RABGAP1L: variants seen among roughly 807,000 people sequenced by gnomAD.
The protein encoded by RABGAP1L is RAB GTPase activating protein 1 like, also known as rab GTPase-activating protein 1-like.
A neutral mutation model predicts 137.7 loss-of-function variants in RABGAP1L; 63 were observed. That is an observed-to-expected ratio of 0.46 (90% CI 0.37 to 0.56). The LOEUF is 0.56. RABGAP1L is among the 20% of genes least tolerant of loss of function. The pLI is 0.00. For synonymous variants in RABGAP1L, 431 were observed against 433.7 expected (o/e 0.99, Z 0.08); for missense variants, 1,095 against 1,244.0 (o/e 0.88, Z 1.80).
intron 13 of RABGAP1L, among the ~76,000 whole-genome samples, chr1:174,600,179 C>T (rs750784936): frequency 6.6e-6 from 1 of 152,170 alleles, no homozygotes; most frequent in Admixed American, 6.5e-5. Flanking sequence ...ATTCACTATA[C>T]AAGAATAGCA....
chr1:174,654,800 G>A (rs1399764149), intron 14 of RABGAP1L, among the ~76,000 whole-genome samples: 1 of 152,214 alleles, frequency 6.6e-6, no homozygotes, highest in East Asian at 1.9e-4. Flanking sequence ...AAATTGCTTT[G>A]TGAGTGTATA....
chr1:174,578,641 A>T (rs1210648110), intron 13 of RABGAP1L, among the ~76,000 whole-genome samples: 5 of 152,204 alleles, frequency 3.3e-5, no homozygotes, highest in Non-Finnish European at 7.4e-5. Context: ...ATTTTAACAA[A>T]ATATAAATAA....
intron 14 of RABGAP1L, among the ~76,000 whole-genome samples, chr1:174,674,431 G>A (rs1677434168): frequency 6.7e-6 from 1 of 149,460 alleles, no homozygotes; most frequent in African/African-American, 2.5e-5. Context: ...CATTTTTTAT[G>A]GCTGCATAGT....
chr1:174,278,529 ATTCT>A (rs1675209804), intron 9 of RABGAP1L, 80 bp from the exon 10 acceptor site: 3 of 1,078,408 alleles, frequency 2.8e-6, no homozygotes, highest in Non-Finnish European at 4.1e-6. Context: ...AAGAACTTTA[ATTCT>A]TTCATAAGTG....
At chr1:174,541,177 AG>A (rs1306363514) in intron 13 of RABGAP1L, among the ~76,000 whole-genome samples, 3 of 152,200 alleles carry the variant, frequency 2.0e-5, no homozygotes, top group African/African-American at 7.2e-5. Context: ...TTATCAGCTT[AG>A]GGAGATTTTG....
At chr1:174,411,180 GT>G (rs1649885334) in intron 13 of RABGAP1L, among the ~76,000 whole-genome samples, 1 of 152,118 alleles carries the variant, frequency 6.6e-6, no homozygotes, top group South Asian at 2.1e-4. Flanking sequence ...CACATCATCA[GT>G]GAAGAGAGAT....
At chr1:174,844,920 C>T (rs1267352866) in intron 19 of RABGAP1L, among the ~76,000 whole-genome samples, 1 of 119,362 alleles carries the variant, frequency 8.4e-6, no homozygotes, top group African/African-American at 3.0e-5. Context: ...GTTTGTAGTT[C>T]TCCTTGAAGA....
chr1:174,827,511 A>T (rs1259129868), intron 19 of RABGAP1L, among the ~76,000 whole-genome samples: 1 of 148,800 alleles, frequency 6.7e-6, no homozygotes, highest in Non-Finnish European at 1.5e-5. Context: ...CTGAGTGCGC[A>T]TTTCTTCTCA....
At chr1:174,816,596 T>C (rs1690438389) in intron 19 of RABGAP1L, among the ~76,000 whole-genome samples, 1 of 152,218 alleles carries the variant, frequency 6.6e-6, no homozygotes, top group African/African-American at 2.4e-5. Flanking sequence ...TCAGAAACTG[T>C]CAGGTATTTG....
At chr1:174,848,560 C>A (rs990214065) in intron 19 of RABGAP1L, among the ~76,000 whole-genome samples, 4 of 148,334 alleles carry the variant, frequency 2.7e-5, no homozygotes, top group Non-Finnish European at 4.5e-5. Context: ...GGTCAGGGAC[C>A]CACTTGAGGA....
intron 23 of RABGAP1L, 76 bp downstream of exon 23, chr1:174,978,966 GC>G: frequency 7.1e-7 from 1 of 1,403,838 alleles, no homozygotes; most frequent in Non-Finnish European, 9.3e-7. Context: ...TTTGCTTGAG[GC>G]CAGGAGTTTG....
At chr1:174,639,255 A>G (rs1453433301) in intron 14 of RABGAP1L, among the ~76,000 whole-genome samples, 1 of 152,124 alleles carries the variant, frequency 6.6e-6, no homozygotes, top group East Asian at 1.9e-4. Flanking sequence ...CTATTTTTAT[A>G]TGAATGTGTC....
At position 174,541,522 on chromosome 1, in the gene RABGAP1L, A is replaced by G. The variant is rs553398704; in HGVS notation, c.1711-95853A>G. 2.0e-5 allele frequency among the ~76,000 whole-genome samples: 3 copies of G among 152,298 alleles called. No individual in the cohort carries two copies. In the East Asian group the frequency reaches 5.8e-4, roughly 29 times the overall value. On this transcript the variant is annotated intron_variant, in intron 13 of 25. Coordinates refer to ENST00000681986, the MANE Select transcript of RABGAP1L (RefSeq NM_001366446.1). ...CGGGTGCGGTGGCTCACCACCTGTA[A>G]TCCCAGCACTTTTGGAGGCCAAGGC...
chr1:174,803,776 T>C (rs1688979432), intron 18 of RABGAP1L, among the ~76,000 whole-genome samples: 1 of 151,136 alleles, frequency 6.6e-6, no homozygotes, highest in Non-Finnish European at 1.5e-5. Flanking sequence ...CCTACCTCTT[T>C]CAAAAAAAAA....
intron 13 of RABGAP1L, among the ~76,000 whole-genome samples, chr1:174,423,634 A>T (rs1005470293): frequency 6.6e-6 from 1 of 152,136 alleles, no homozygotes; most frequent in African/African-American, 2.4e-5. Context: ...CATTATAAAT[A>T]TTTATATTTA....
chr1:174,973,003 G>T (rs548215679), intron 21 of RABGAP1L, among the ~76,000 whole-genome samples: 1 of 152,204 alleles, frequency 6.6e-6, no homozygotes, highest in South Asian at 2.1e-4. Flanking sequence ...TCCTACTTAA[G>T]TGAGGTATAG....
Position 174,561,454 on chromosome 1 carries a change from A to G in RABGAP1L, c.1711-75921A>G, listed in dbSNP as rs369489226. Among the ~76,000 whole-genome samples the G allele has an allele frequency of 5.9e-5, 9 of 152,314 alleles. No individual in the cohort carries two copies. The East Asian group carries it at 7.7e-4, about 13-fold the overall frequency. On this transcript the variant is annotated intron_variant, in intron 13 of 25. Coordinates refer to ENST00000681986, the MANE Select transcript of RABGAP1L (RefSeq NM_001366446.1). ...CTGCCTAAAGTAATTTATAGATTCA[A>G]TGTTATCCCCATCAAGCTACCATTG...
chr1:174,541,222 C>G (rs1437053436), intron 13 of RABGAP1L, among the ~76,000 whole-genome samples: 1 of 152,174 alleles, frequency 6.6e-6, no homozygotes, highest in Non-Finnish European at 1.5e-5. Flanking sequence ...AATATACAAT[C>G]ATGTCATCTG....
intron 18 of RABGAP1L, among the ~76,000 whole-genome samples, chr1:174,767,904 G>C (rs1378781684): frequency 6.6e-6 from 1 of 152,180 alleles, no homozygotes; most frequent in East Asian, 1.9e-4. Context: ...TGGCAAGAGA[G>C]AGAATGAGAG....
Sources: allele counts gnomAD v4.1 joint callset (sites outside exome capture counted in the v4.1 genomes callset), GRCh38; gene constraint gnomAD v4.1.1; transcripts MANE v1.5; gene names NCBI Gene and HGNC (gene_info 2026-07-23, HGNC 2026-07-21).